SHANK2: variants seen among roughly 807,000 people sequenced by gnomAD.
The protein encoded by SHANK2 is SH3 and multiple ankyrin repeat domains protein 2.
A neutral mutation model predicts 133.7 loss-of-function variants in SHANK2; 43 were observed. The ratio of observed to expected loss-of-function variants is 0.32; its 90% CI spans 0.25 to 0.41. The LOEUF is 0.41. SHANK2 is among the 10% of genes least tolerant of loss of function. The pLI, the probability that SHANK2 is intolerant of heterozygous loss-of-function variation, is 1.00. For missense variants in SHANK2, 1,994 were observed against 2,235.8 expected, an observed-to-expected ratio of 0.89 and a Z score of 2.18; for synonymous variants, 1,017 against 952.8, an observed-to-expected ratio of 1.07 and a Z score of -1.24.
intron 14 of SHANK2, among the ~76,000 whole-genome samples, chr11:70,738,497 G>A (rs192951911): frequency 3.3e-4 from 50 of 152,330 alleles, no homozygotes; most frequent in African/African-American, 1.2e-3. Context: ...CCTCGTGTGC[G>A]GGGAGCAAGT....
chr11:71,193,574 G>C (rs1229309407), intron 2 of SHANK2, among the ~76,000 whole-genome samples: 3 of 152,190 alleles, frequency 2.0e-5, no homozygotes, highest in Non-Finnish European at 4.4e-5. Context: ...TGGCGTGACT[G>C]TTAGGACCAG....
intron 17 of SHANK2, among the ~76,000 whole-genome samples, chr11:70,645,497 T>C (rs1044912922): frequency 6.6e-6 from 1 of 151,716 alleles, no homozygotes; most frequent in Non-Finnish European, 1.5e-5. Context: ...TCTGGAAAAA[T>C]TAACTGACAA....
chr11:70,844,460 C>T (rs1948964501), intron 11 of SHANK2, among the ~76,000 whole-genome samples: 1 of 152,170 alleles, frequency 6.6e-6, no homozygotes, highest in African/African-American at 2.4e-5. Flanking sequence ...CGTTTCTCGA[C>T]ATAGCACAAA....
chr11:70,789,951 T>C (rs537028266), intron 14 of SHANK2, among the ~76,000 whole-genome samples: 3 of 152,360 alleles, frequency 2.0e-5, no homozygotes, highest in South Asian at 4.1e-4. Context: ...GGCCTTGTCA[T>C]TTTCTCAGGG....
intron 9 of SHANK2, among the ~76,000 whole-genome samples, chr11:71,065,137 G>T (rs1951032449): frequency 1.3e-5 from 2 of 152,170 alleles, no homozygotes; most frequent in African/African-American, 2.4e-5. Flanking sequence ...GCAAGCAGGG[G>T]TGAAAGTCTG....
At chr11:70,786,069 G>A (rs976751334) in intron 14 of SHANK2, among the ~76,000 whole-genome samples, 17 of 152,156 alleles carry the variant, frequency 1.1e-4, no homozygotes, top group Admixed American at 5.2e-4. Flanking sequence ...CAGGGTAAGC[G>A]GGACCGTGCC....
intron 10 of SHANK2, among the ~76,000 whole-genome samples, chr11:70,914,611 AGT>A (rs1950241596): frequency 6.6e-6 from 1 of 150,996 alleles, no homozygotes; most frequent in South Asian, 2.1e-4. Context: ...TGAAGCCAGG[AGT>A]GTAAGACCGG....
intron 14 of SHANK2, among the ~76,000 whole-genome samples, chr11:70,747,661 T>A (rs1946668339): frequency 6.6e-6 from 1 of 152,206 alleles, no homozygotes; most frequent in Admixed American, 6.5e-5. Context: ...CCATGCTGAA[T>A]AGCAGAGACA....
chr11:70,702,452 C>T (rs1555023993), intron 14 of SHANK2, among the ~76,000 whole-genome samples: 1 of 152,060 alleles, frequency 6.6e-6, no homozygotes, highest in Non-Finnish European at 1.5e-5. Context: ...TCATCACCAC[C>T]ATCATCACTA....
chr11:70,787,517 A>ATG (rs1947695457), intron 14 of SHANK2, among the ~76,000 whole-genome samples: 2 of 60,060 alleles, frequency 3.3e-5, no homozygotes, highest in African/African-American at 6.5e-5. Context: ...CATCATCACC[A>ATG]AGACCACCAC....
intron 11 of SHANK2, among the ~76,000 whole-genome samples, chr11:70,827,606 G>A (rs1948662436): frequency 6.6e-6 from 1 of 150,854 alleles, no homozygotes; most frequent in South Asian, 2.1e-4. Context: ...CCTCTGCTGG[G>A]CTGTAATTTA....
intron 1 of SHANK2, among the ~76,000 whole-genome samples, chr11:71,234,441 T>C (rs1219738808): frequency 6.6e-6 from 1 of 152,140 alleles, no homozygotes; most frequent in African/African-American, 2.4e-5. Flanking sequence ...CCTCTATTTT[T>C]GGAGGTGCTC....
chr11:70,889,809 A>G (rs1256241452), intron 11 of SHANK2, among the ~76,000 whole-genome samples: 4 of 152,324 alleles, frequency 2.6e-5, no homozygotes, highest in African/African-American at 9.6e-5. Context: ...GGGGTGGTTC[A>G]GAAGCTGTCT....
rs782015001 is a variant in SHANK2, at chr11:70,490,293, C to T, written c.2534G>A (p.Arg845Gln). The change falls in exon 23 of 26, where the codon CGA (arginine) becomes CAA (glutamine). Residue 845 changes from arginine (R) to glutamine (Q), a missense_variant. Around this residue, in one of 5 missense-constraint regions of SHANK2, gnomAD observed 488 missense variants for 642.6 expected, o/e 0.76. Coordinates refer to ENST00000601538, the MANE Select transcript of SHANK2 (RefSeq NM_012309.5). ...PFLGIPRGTM[R>Q]RQKSIDSRIF... ...CTTCTTACCTATTGATTTCTGCCTT[C>T]GCATCGTACCTCGAGGGATGCCCAG... The T allele has an allele frequency of 5.1e-5, 82 of 1,614,066 alleles. No individual in the cohort carries two copies. The East Asian group carries it at 6.0e-4, about 12-fold the overall frequency.
At chr11:70,811,670 A>G (rs1555053247) in intron 12 of SHANK2, among the ~76,000 whole-genome samples, 1 of 150,446 alleles carries the variant, frequency 6.6e-6, no homozygotes, top group Non-Finnish European at 1.5e-5. Context: ...TCATCTATTC[A>G]TCCATCCATT....
chr11:71,227,529 C>T (rs189263307), intron 1 of SHANK2, among the ~76,000 whole-genome samples: 13 of 151,606 alleles, frequency 8.6e-5, no homozygotes, highest in Middle Eastern at 3.4e-3. Context: ...TTATTCTAAA[C>T]GTGTACCAAA....
chr11:70,844,451 G>A (rs996911914), intron 11 of SHANK2, among the ~76,000 whole-genome samples: 7 of 152,218 alleles, frequency 4.6e-5, no homozygotes, highest in East Asian at 1.9e-4. Context: ...CGCTGGGCAC[G>A]TTTCTCGACA....
At chr11:70,702,644 A>C (rs1945562784) in intron 14 of SHANK2, among the ~76,000 whole-genome samples, 1 of 152,248 alleles carries the variant, frequency 6.6e-6, no homozygotes, top group Admixed American at 6.5e-5. Flanking sequence ...ACTGCAGCAG[A>C]AGACACATTT....
chr11:70,563,359 CT>C lies in SHANK2; in HGVS notation c.2062-60429del, dbSNP rs2059931386. Among the ~76,000 whole-genome samples the C allele has an allele frequency of 3.3e-5, 5 of 152,338 alleles. No individual in the cohort carries two copies. The South Asian group carries it at 1.0e-3, about 32-fold the overall frequency. ...ACAACAGTACACTTCCACTCTTCCC[CT>C]CCTAGACTTTGTGCCATTGTTGTCA... On this transcript the variant is annotated intron_variant, in intron 17 of 25. Transcript: ENST00000601538.
Sources: gnomAD v4.1 joint callset for allele counts (sites outside exome capture counted in the v4.1 genomes callset) on GRCh38, gnomAD v4.1.1 for gene constraint, gnomAD v4.1.1 regional missense constraint, MANE v1.5 for transcripts, NCBI Gene and HGNC (gene_info 2026-07-23, HGNC 2026-07-21) for gene names.